Variants in KIF16B observed in about 807,000 individuals in gnomAD.
The protein encoded by KIF16B is kinesin family member 16B.
Under a neutral mutation model 156.3 loss-of-function variants are expected in KIF16B, and 98 were observed. The ratio of observed to expected loss-of-function variants is 0.63; its 90% CI spans 0.53 to 0.74. KIF16B has a LOEUF of 0.74. KIF16B is among the 30% of genes least tolerant of loss of function. KIF16B has a pLI of 0.00. For missense variants in KIF16B, 1,421 were observed against 1,606.5 expected, an observed-to-expected ratio of 0.88 and a Z score of 1.97; for synonymous variants, 564 against 583.7, an observed-to-expected ratio of 0.97 and a Z score of 0.49.
chr20:16,325,466 A>G (rs1395114175), intron 24 of KIF16B, among the ~76,000 whole-genome samples: 1 of 152,122 alleles, frequency 6.6e-6, no homozygotes, highest in Non-Finnish European at 1.5e-5. Context: ...TCAGGATACA[A>G]AATGAATGTA....
rs79400353 is a variant in KIF16B at position 16,478,348 on chromosome 20, G to A, written c.1302+15943C>T. On this transcript the variant is annotated intron_variant, in intron 12 of 25. Transcript: ENST00000354981. ...GGATGTAGACCAACCGGGCTGCAGG[G>A]CAGGTGGGAATGCAAATGGTATGAC... Among the ~76,000 whole-genome samples, 7 of 152,256 alleles carry A rather than the reference G, an allele frequency of 4.6e-5. No homozygotes were observed. The East Asian group carries it at 1.3e-3, about 29-fold the overall frequency.
At chr20:16,421,075 T>C (rs1255483765) in intron 15 of KIF16B, among the ~76,000 whole-genome samples, 1 of 152,138 alleles carries the variant, frequency 6.6e-6, no homozygotes, top group East Asian at 1.9e-4. Flanking sequence ...TGATCCAATA[T>C]GGTAAGCATA....
chr20:16,425,556 G>T (rs1249284561), intron 15 of KIF16B, among the ~76,000 whole-genome samples: 1 of 152,070 alleles, frequency 6.6e-6, no homozygotes, highest in Non-Finnish European at 1.5e-5. Context: ...TAATGGAATG[G>T]AAAATTTACA....
In KIF16B at chr20:16,506,209, G is replaced by T; in HGVS notation, c.700-19C>A. The T allele has an allele frequency of 6.2e-7, 1 of 1,611,948 alleles. No homozygotes were observed. The highest frequency in any genetic ancestry group is 8.5e-7 in the Non-Finnish European group (1 of 1,178,224). On this transcript the variant is annotated intron_variant, in intron 7 of 25. Transcript: ENST00000354981. The stretch of plus-strand genomic sequence containing the variant: ...ATTTAGCCTGTGGTAAAATAAAAAA[G>T]TAAAATTGAAGAGGTGCAAAGGGCC...
At chr20:16,330,966 T>A (rs189706913) in intron 24 of KIF16B, among the ~76,000 whole-genome samples, 54 of 152,348 alleles carry the variant, frequency 3.5e-4, no homozygotes, top group African/African-American at 1.2e-3. Context: ...AGAACAGCTC[T>A]CAGACAGCCG....
At chr20:16,392,307 C>T (rs1016101425) in intron 17 of KIF16B, among the ~76,000 whole-genome samples, 5 of 152,192 alleles carry the variant, frequency 3.3e-5, no homozygotes, top group Admixed American at 2.0e-4. Flanking sequence ...AACATAGATG[C>T]ACCATGATTT....
At chr20:16,491,054 C>T (rs1377858612) in intron 12 of KIF16B, among the ~76,000 whole-genome samples, 1 of 152,060 alleles carries the variant, frequency 6.6e-6, no homozygotes, top group Non-Finnish European at 1.5e-5. Flanking sequence ...ACTGCAGAAG[C>T]ACAAAGGAAA....
intron 22 of KIF16B, among the ~76,000 whole-genome samples, chr20:16,358,365 A>C (rs963429634): frequency 6.6e-6 from 1 of 152,162 alleles, no homozygotes; most frequent in South Asian, 2.1e-4. Context: ...GTTCTCAAAA[A>C]AGTGTGGACG....
intron 24 of KIF16B, 30 bp from the exon 25 acceptor site, chr20:16,312,448 T>G: frequency 2.1e-6 from 3 of 1,400,768 alleles, no homozygotes; most frequent in East Asian, 2.3e-5. Context: ...AGACATGCAT[T>G]AATAGCATAC....
intron 12 of KIF16B, among the ~76,000 whole-genome samples, chr20:16,451,092 ACT>A (rs1444078444): frequency 2.0e-5 from 3 of 152,128 alleles, no homozygotes; most frequent in Non-Finnish European, 2.9e-5. Context: ...GTCAGCACAG[ACT>A]CTGCAAGCTG....
chr20:16,308,982 A>G (rs904993478), intron 25 of KIF16B, among the ~76,000 whole-genome samples: 1 of 152,184 alleles, frequency 6.6e-6, no homozygotes, highest in Non-Finnish European at 1.5e-5. Flanking sequence ...AGCATGTCAC[A>G]TATGAGGAGT....
chr20:16,323,604 G>GTGA (rs924344634), intron 24 of KIF16B, among the ~76,000 whole-genome samples: 7 of 151,954 alleles, frequency 4.6e-5, no homozygotes, highest in Non-Finnish European at 1.0e-4. Flanking sequence ...TATGAAGGGA[G>GTGA]TGATGAGCTA....
chr20:16,447,672 G>A (rs1309447876), intron 12 of KIF16B, among the ~76,000 whole-genome samples: 4 of 152,136 alleles, frequency 2.6e-5, no homozygotes, highest in Non-Finnish European at 5.9e-5. Context: ...TCTGGCTTAA[G>A]ATGGCAACTG....
At chr20:16,434,540 T>G (rs1370646853) in intron 12 of KIF16B, among the ~76,000 whole-genome samples, 1 of 152,226 alleles carries the variant, frequency 6.6e-6, no homozygotes, top group African/African-American at 2.4e-5. Context: ...ACCTGGGATC[T>G]AGATTGTACT....
intron 12 of KIF16B, among the ~76,000 whole-genome samples, chr20:16,462,309 G>T (rs780539352): frequency 6.6e-6 from 1 of 151,980 alleles, no homozygotes; most frequent in Non-Finnish European, 1.5e-5. Context: ...ACCTGAGAGG[G>T]CCCCTGCAAT....
At chr20:16,403,446 G>A (rs1368829064) in intron 17 of KIF16B, among the ~76,000 whole-genome samples, 1 of 152,210 alleles carries the variant, frequency 6.6e-6, no homozygotes, top group Non-Finnish European at 1.5e-5. Context: ...TCAGAGGTCT[G>A]ATTGATATGG....
At chr20:16,548,833 G>A (rs2070514443) in intron 1 of KIF16B, among the ~76,000 whole-genome samples, 1 of 152,162 alleles carries the variant, frequency 6.6e-6, no homozygotes, top group Admixed American at 6.6e-5. Context: ...TGTTTATGCA[G>A]TAAGTGAGAT....
intron 12 of KIF16B, among the ~76,000 whole-genome samples, chr20:16,469,561 TAAAA>T (rs368181137): frequency 2.7e-5 from 3 of 110,298 alleles, no homozygotes; most frequent in African/African-American, 3.5e-5. Context: ...CCACCTTAAC[TAAAA>T]AAAAAAAAAA....
At chr20:16,423,913 G>A (rs1324707685) in intron 15 of KIF16B, among the ~76,000 whole-genome samples, 5 of 152,046 alleles carry the variant, frequency 3.3e-5, no homozygotes, top group Non-Finnish European at 7.4e-5. Context: ...ACTAGAGCCT[G>A]TGAGTTCCCA....
Sources: gnomAD v4.1 joint callset for allele counts (sites outside exome capture counted in the v4.1 genomes callset) on GRCh38, gnomAD v4.1.1 for gene constraint, MANE v1.5 for transcripts, NCBI Gene and HGNC (gene_info 2026-07-23, HGNC 2026-07-21) for gene names.